Variants in RALGDS observed in about 807,000 individuals in gnomAD.
RALGDS encodes the protein ral guanine nucleotide dissociation stimulator.
RALGDS carries 44 observed loss-of-function variants against 99.8 expected under a neutral mutation model. The observed-to-expected ratio is 0.44, with a 90% confidence interval of 0.35 to 0.57. The LOEUF (loss-of-function observed/expected upper bound fraction) is 0.57. Among genes scored for constraint, RALGDS ranks in the 20% least tolerant of loss-of-function variants. RALGDS has a pLI of 0.01. For synonymous variants in RALGDS, 529 were observed against 505.0 expected (o/e 1.05, Z -0.64); for missense variants, 1,022 against 1,203.1 (o/e 0.85, Z 2.23).
chr9:133,099,022 G>GC lies in RALGDS; in HGVS notation c.2570-261_2570-260insG, dbSNP rs1830624236. Reference sequence around the variant, plus strand: ...CCCCGGCTTGGCCTGAGCTGGCAGAGGGTCACCCCGTCCTGCCCATACTGC... The same window carrying GC: ...CCCCGGCTTGGCCTGAGCTGGCAGAGCGGTCACCCCGTCCTGCCCATACTGC... On this transcript the variant is annotated intron_variant, in intron 17 of 17. Coordinates refer to ENST00000372050, the MANE Select transcript of RALGDS (RefSeq NM_006266.4). The GC allele has an allele frequency of 1.7e-5, 8 of 483,696 alleles. No homozygotes were observed. In the South Asian group the frequency reaches 1.7e-4, roughly 10 times the overall value. The allele number at this position is 483,696 out of a possible 1,614,324, so 30.0% of individuals were successfully genotyped here.
At chr9:133,142,627 A>T (rs918733108) in intron 1 of RALGDS, among the ~76,000 whole-genome samples, 7 of 151,656 alleles carry the variant, frequency 4.6e-5, no homozygotes, top group Admixed American at 4.6e-4. Flanking sequence ...CTCACACCCC[A>T]CCCCTATGGG....
upstream of RALGDS, among the ~76,000 whole-genome samples, chr9:133,131,525 C>T (rs996591445): frequency 3.3e-5 from 5 of 152,046 alleles, no homozygotes; most frequent in African/African-American, 1.2e-4. Context: ...CCCTTGGTCT[C>T]AGGACTCGGC....
At position 133,098,611 on chromosome 9, in the gene RALGDS, G is replaced by A. The variant is rs1302280305; in HGVS notation, c.2721C>T (p.Leu907=). 2.5e-6 allele frequency: 4 copies of A among 1,614,196 alleles called. No homozygotes were observed. The highest frequency in any genetic ancestry group is 3.4e-6 in the Non-Finnish European group (4 of 1,180,028). The part of the protein sequence containing the change: ...STLPRMKQKG[L]KIAKGIF ...CTCAGAAGATGCCCTTGGCAATCTTGAGTCCTTTCTGCTTCATGCGAGGGA... is the reference window on the plus strand; with the variant it reads ...CTCAGAAGATGCCCTTGGCAATCTTAAGTCCTTTCTGCTTCATGCGAGGGA... Residue 907 remains leucine, a synonymous_variant, in exon 18 of 18, where the codon CTC becomes CTT. Transcript: ENST00000372050.
upstream of RALGDS, chr9:133,131,178 G>C (rs1832323416): frequency 7.2e-7 from 1 of 1,391,380 alleles, no homozygotes; most frequent in African/African-American, 1.5e-5. Context: ...CTCTTCCGGT[G>C]GCTTTGTGGG....
At chr9:133,103,363 G>A in intron 11 of RALGDS, 101 bp from the exon 12 acceptor site, 1 of 1,430,842 alleles carries the variant, frequency 7.0e-7, no homozygotes, top group Non-Finnish European at 9.8e-7. Flanking sequence ...CAGGGGGCAG[G>A]GCACGCACAC....
At chr9:133,107,029 A>G in intron 7 of RALGDS, 56 bp downstream of exon 7, 1 of 1,590,538 alleles carries the variant, frequency 6.3e-7, no homozygotes. Flanking sequence ...ACTGCAGACC[A>G]CAACCTGAGA....
chr9:133,139,936 G>C (rs1251056796), intron 1 of RALGDS, among the ~76,000 whole-genome samples: 1 of 152,146 alleles, frequency 6.6e-6, no homozygotes, highest in East Asian at 1.9e-4. Context: ...CTGAGGCCAA[G>C]CCAGGGCTCC....
upstream of RALGDS, among the ~76,000 whole-genome samples, chr9:133,121,691 G>A (rs1176031026): frequency 6.6e-6 from 1 of 152,236 alleles, no homozygotes; most frequent in Non-Finnish European, 1.5e-5. Flanking sequence ...ACCCCTCTGA[G>A]CCTCACTGTT....
chr9:133,103,289 C>G, intron 11 of RALGDS, 27 bp from the exon 12 acceptor site: 1 of 1,613,880 alleles, frequency 6.2e-7, no homozygotes, highest in Non-Finnish European at 8.5e-7. Context: ...CAATGGCCGT[C>G]AGAAAGTGAC....
At chr9:133,133,796 A>G (rs1010607246), upstream of RALGDS, among the ~76,000 whole-genome samples, 8 of 152,160 alleles carry the variant, frequency 5.3e-5, no homozygotes, top group South Asian at 1.7e-3. Context: ...CCACACACAC[A>G]AGCCCAGGCT....
At position 133,105,955 on chromosome 9, in the gene RALGDS, A is replaced by G. The variant is rs759289131; in HGVS notation, c.1579T>C (p.Leu527=). ...EIFSDENNYS[L]SRELLIKEGT... is the part of the protein sequence containing the mutation. ...ACCTTGATGAGCAGCTCCCGGCTCA[A>G]TGAGTAGTTGTTCTCATCTGAGAAG... is the stretch of plus-strand genomic sequence containing the variant. The change falls in exon 9 of 18, where the codon TTG becomes CTG. Residue 527 remains leucine, a synonymous_variant. Coordinates refer to ENST00000372050, the MANE Select transcript of RALGDS (RefSeq NM_006266.4). The G allele has an allele frequency of 6.2e-6, 10 of 1,601,058 alleles. No individual in the cohort carries two copies. In the South Asian group the frequency reaches 1.1e-4, roughly 18 times the overall value.
chr9:133,107,038 G>A, intron 7 of RALGDS, 47 bp downstream of exon 7: 1 of 1,599,326 alleles, frequency 6.3e-7, no homozygotes, highest in Non-Finnish European at 8.6e-7. Context: ...CACAACCTGA[G>A]AACAGATGAA....
intron 1 of RALGDS, among the ~76,000 whole-genome samples, chr9:133,148,061 G>A (rs1309553788): frequency 6.6e-6 from 1 of 152,022 alleles, no homozygotes; most frequent in East Asian, 1.9e-4. Context: ...CAGCCCCCCC[G>A]GCTTCTCTTG....
chr9:133,136,760 G>C (rs868728396), intron 1 of RALGDS, among the ~76,000 whole-genome samples: 1 of 152,146 alleles, frequency 6.6e-6, no homozygotes, highest in Middle Eastern at 3.4e-3. Flanking sequence ...GACAGAGCAA[G>C]ACTCCATCTC....
intron 1 of RALGDS, among the ~76,000 whole-genome samples, chr9:133,145,854 C>G (rs561033941): frequency 9.2e-5 from 14 of 152,228 alleles, no homozygotes; most frequent in Non-Finnish European, 1.8e-4. Context: ...TGTTAGCTGC[C>G]TCACAGACTT....
intron 1 of RALGDS, among the ~76,000 whole-genome samples, chr9:133,136,716 G>A (rs1411949283): frequency 6.6e-6 from 1 of 152,108 alleles, no homozygotes; most frequent in Non-Finnish European, 1.5e-5. Context: ...AGGTTGCAGT[G>A]ACCAAGATCG....
intron 1 of RALGDS, among the ~76,000 whole-genome samples, chr9:133,145,657 C>T (rs1832611635): frequency 1.3e-5 from 2 of 152,148 alleles, no homozygotes; most frequent in South Asian, 4.1e-4. Context: ...GCTCCCAGCC[C>T]CTGAGGCTCA....
In RALGDS at chr9:133,148,053, G is replaced by GC. The variant is rs888064339; in HGVS notation, c.18+909dup. Among the ~76,000 whole-genome samples, 13 of 152,066 alleles carry GC rather than the reference G, an allele frequency of 8.5e-5. No individual in the cohort carries two copies. The East Asian group carries it at 9.7e-4, about 11-fold the overall frequency. The stretch of plus-strand genomic sequence containing the variant: ...ACCACCCCAGGCCCTCAGCCCTTCA[G>GC]CCCCCCCGGCTTCTCTTGCTCAGAA... On this transcript the variant is annotated intron_variant, in intron 1 of 17. Coordinates refer to the RALGDS transcript ENST00000393160.
intron 9 of RALGDS, among the ~76,000 whole-genome samples, chr9:133,105,660 C>T (rs933112343): frequency 4.6e-5 from 7 of 152,134 alleles, no homozygotes; most frequent in African/African-American, 1.4e-4. Context: ...GGTCCTGATG[C>T]CCATCTACTC....
Sources: gnomAD v4.1 joint callset for allele counts (sites outside exome capture counted in the v4.1 genomes callset) on GRCh38, gnomAD v4.1.1 for gene constraint, MANE v1.5 for transcripts, NCBI Gene and HGNC (gene_info 2026-07-23, HGNC 2026-07-21) for gene names.